HIVEP3: variants seen among roughly 807,000 people sequenced by gnomAD.
The protein encoded by HIVEP3 is transcription factor HIVEP3.
In HIVEP3, 49 loss-of-function variants were observed where a neutral mutation model predicts 152.8. The ratio of observed to expected loss-of-function variants is 0.32; its 90% CI spans 0.26 to 0.41. The LOEUF is 0.41. HIVEP3 is among the 10% of genes least tolerant of loss of function. The probability of loss-of-function intolerance (pLI) is 1.00; values close to 1 mark genes in which losing one functional copy is unlikely to be tolerated. For synonymous variants in HIVEP3, 1,269 were observed against 1,289.0 expected, an observed-to-expected ratio of 0.98 and a Z score of 0.33; for missense variants, 2,790 against 3,103.3, an observed-to-expected ratio of 0.90 and a Z score of 2.40.
intron 1 of HIVEP3, among the ~76,000 whole-genome samples, chr1:41,894,087 A>G (rs887657431): frequency 2.0e-5 from 3 of 151,792 alleles, no homozygotes; most frequent in Non-Finnish European, 4.4e-5. Context: ...CACCAAGTGC[A>G]GGGATTACAG....
chr1:41,611,748 C>G (rs1357223886), intron 3 of HIVEP3, among the ~76,000 whole-genome samples: 3 of 152,216 alleles, frequency 2.0e-5, no homozygotes, highest in Non-Finnish European at 4.4e-5. Context: ...TCCTGGGCAA[C>G]CAGGCAAGTC....
chr1:41,754,104 G>A (rs949634664), intron 1 of HIVEP3, among the ~76,000 whole-genome samples: 4 of 152,186 alleles, frequency 2.6e-5, no homozygotes, highest in African/African-American at 4.8e-5. Context: ...AAGAGCACGC[G>A]GCATTCTGGG....
At chr1:41,871,361 T>C (rs1354392572) in intron 1 of HIVEP3, among the ~76,000 whole-genome samples, 2 of 151,898 alleles carry the variant, frequency 1.3e-5, no homozygotes, top group East Asian at 1.9e-4. Context: ...ATTTAAAGCT[T>C]AGAAAATGTT....
chr1:41,854,531 T>TC (rs1643700607), intron 1 of HIVEP3, among the ~76,000 whole-genome samples: 1 of 149,208 alleles, frequency 6.7e-6, no homozygotes, highest in Non-Finnish European at 1.5e-5. Context: ...TTTTTTTTTT[T>TC]TTTTTTTTAT....
chr1:41,752,725 A>G (rs1232810656), intron 1 of HIVEP3, among the ~76,000 whole-genome samples: 2 of 152,246 alleles, frequency 1.3e-5, no homozygotes, highest in Non-Finnish European at 2.9e-5. Flanking sequence ...AGGCACTCTC[A>G]GTTTGAGAAC....
chr1:41,925,692 A>G (rs367940699), intron 1 of HIVEP3, among the ~76,000 whole-genome samples: 6 of 152,320 alleles, frequency 3.9e-5, no homozygotes, highest in South Asian at 2.1e-4. Flanking sequence ...TCTGGCAGAT[A>G]CTGTTCTTTT....
At position 41,681,446 on chromosome 1, in the gene HIVEP3, G is replaced by A. The variant is rs192379403; in HGVS notation, c.-721+19470C>T. ...TGGAGATGGTTCTTGAGGGCCAGGGGTGACTCACAGTTGAACTAAAATGAG... is the reference window on the plus strand; with the variant it reads ...TGGAGATGGTTCTTGAGGGCCAGGGATGACTCACAGTTGAACTAAAATGAG... On this transcript the variant is annotated intron_variant, in intron 2 of 8. Transcript: ENST00000372583. Among the ~76,000 whole-genome samples, 12 of 152,320 alleles carry A rather than the reference G, an allele frequency of 7.9e-5. No homozygotes were observed. The East Asian group carries it at 1.3e-3, about 17-fold the overall frequency.
intron 3 of HIVEP3, among the ~76,000 whole-genome samples, chr1:41,615,254 A>G (rs1244047791): frequency 6.6e-6 from 1 of 152,236 alleles, no homozygotes; most frequent in Admixed American, 6.5e-5. Context: ...TTACCAGTCA[A>G]TTAAAGAACT....
intron 3 of HIVEP3, among the ~76,000 whole-genome samples, chr1:41,586,292 C>G (rs766362493): frequency 7.2e-5 from 11 of 152,200 alleles, no homozygotes; most frequent in Non-Finnish European, 1.5e-4. Flanking sequence ...GCCCTCCTCC[C>G]CAGGAACAGG....
At chr1:41,528,270 A>ACCC (rs1643078974) in intron 5 of HIVEP3, among the ~76,000 whole-genome samples, 1 of 63,818 alleles carries the variant, frequency 1.6e-5, no homozygotes. Flanking sequence ...CCACCCTCAC[A>ACCC]CACCCTCACA....
chr1:41,961,036 C>T (rs1353285193), intron 1 of HIVEP3, among the ~76,000 whole-genome samples: 1 of 152,148 alleles, frequency 6.6e-6, no homozygotes, highest in African/African-American at 2.4e-5. Context: ...AGAAATGATG[C>T]CATGTGAATT....
At chr1:41,745,634 C>T (rs1047669380) in intron 1 of HIVEP3, among the ~76,000 whole-genome samples, 4 of 152,180 alleles carry the variant, frequency 2.6e-5, no homozygotes, top group Non-Finnish European at 4.4e-5. Context: ...TGTCTTTCCT[C>T]GACAGAGGGA....
intron 2 of HIVEP3, among the ~76,000 whole-genome samples, chr1:41,691,177 A>G (rs899799551): frequency 1.3e-5 from 2 of 152,246 alleles, no homozygotes; most frequent in Admixed American, 6.5e-5. Flanking sequence ...AAAAGTGTTA[A>G]CTATATTATT....
intron 1 of HIVEP3, among the ~76,000 whole-genome samples, chr1:41,935,387 A>G (rs975210311): frequency 1.3e-5 from 2 of 152,084 alleles, no homozygotes; most frequent in African/African-American, 4.8e-5. Context: ...CCCATTGAGT[A>G]TTTCCTGCTG....
intron 2 of HIVEP3, among the ~76,000 whole-genome samples, chr1:41,635,482 A>G (rs1645254689): frequency 6.7e-6 from 1 of 149,262 alleles, no homozygotes; most frequent in Non-Finnish European, 1.5e-5. Flanking sequence ...ACAACTATAT[A>G]TATATATACA....
intron 3 of HIVEP3, among the ~76,000 whole-genome samples, chr1:41,597,558 G>A (rs574589292): frequency 1.4e-4 from 21 of 152,218 alleles, no homozygotes; most frequent in African/African-American, 5.1e-4. Flanking sequence ...TTACAGGTGA[G>A]GAAACTGAGG....
chr1:41,839,124 TGC>T (rs1643211636), intron 1 of HIVEP3, among the ~76,000 whole-genome samples: 1 of 152,180 alleles, frequency 6.6e-6, no homozygotes, highest in South Asian at 2.1e-4. Context: ...GTTCTTGGTC[TGC>T]CACAGGGATG....
chr1:41,814,411 G>T (rs2124332527), intron 1 of HIVEP3, among the ~76,000 whole-genome samples: 1 of 152,290 alleles, frequency 6.6e-6, no homozygotes, highest in South Asian at 2.1e-4. Context: ...CATGGTGGTT[G>T]GTATGTTCCC....
intron 1 of HIVEP3, among the ~76,000 whole-genome samples, chr1:41,872,827 T>C (rs1313741033): frequency 6.6e-6 from 1 of 152,226 alleles, no homozygotes; most frequent in East Asian, 1.9e-4. Flanking sequence ...CTTTTAGTCT[T>C]GGACTGTTTT....
Sources: gnomAD v4.1 joint callset for allele counts (sites outside exome capture counted in the v4.1 genomes callset) on GRCh38, gnomAD v4.1.1 for gene constraint, MANE v1.5 for transcripts, NCBI Gene and HGNC (gene_info 2026-07-23, HGNC 2026-07-21) for gene names.